Variants in F5 observed in about 807,000 individuals in gnomAD.
The protein encoded by F5 is activated protein c cofactor.
Under a neutral mutation model 216.4 loss-of-function variants are expected in F5, and 138 were observed. That is an observed-to-expected ratio of 0.64 (90% confidence interval 0.56 to 0.73). F5 has a LOEUF of 0.73. Among genes scored for constraint, F5 ranks in the 30% least tolerant of loss-of-function variants. The pLI is 0.00. For missense variants in F5, 2,403 were observed against 2,674.0 expected (o/e 0.90, Z 2.24); for synonymous variants, 916 against 930.7 (o/e 0.98, Z 0.29).
At chr1:169,575,071 A>T (rs1434020271) in intron 2 of F5, among the ~76,000 whole-genome samples, 1 of 152,236 alleles carries the variant, frequency 6.6e-6, no homozygotes, top group African/African-American at 2.4e-5. Context: ...GGTAAATATT[A>T]TGACAGAAAA....
Position 169,541,301 on chromosome 1 carries a change from A to T in F5, c.3789T>A (p.Ser1263Arg), listed in dbSNP as rs1659842347. The T allele has an allele frequency of 6.4e-7, 1 of 1,555,472 alleles. No homozygotes were observed. Among genetic ancestry groups the T allele is most frequent in the Non-Finnish European group, 8.7e-7 (1 of 1,143,796 alleles). The change falls in exon 13 of 25, where the codon AGT becomes AGA. Residue 1263 changes from serine to arginine, a missense_variant. Around this residue, in one of 4 missense-constraint regions of F5, gnomAD observed 1,425 missense variants for 1,554.8 expected, o/e 0.92. Coordinates refer to ENST00000367797, the MANE Select transcript of F5 (RefSeq NM_000130.5). ...LSQTNLSPELSQTNLSPALGQ... is the reference protein window; with the variant it reads ...LSQTNLSPELRQTNLSPALGQ... ...CGAGGGCTGGAGAAAGGTTTGTCTG[A>T]CTGAGTTCTGGAGAGAGGTTTGTCT... is the stretch of plus-strand genomic sequence containing the variant.
Position 169,540,546 on chromosome 1 carries a change from A to C in F5, c.4544T>G (p.Leu1515Arg). ...KEFNPLVIVG[L>R]SKDGTDYIEI... The stretch of plus-strand genomic sequence containing the variant: ...AATGTAATCTGTACCATCTTTACTG[A>C]GGCCCACTATAACCAGTGGATTAAA... The change falls in exon 13 of 25, where the codon CTC (leucine) becomes CGC (arginine). Residue 1515 changes from leucine to arginine, a missense_variant. Leu to Arg is a moderately radical substitution (Grantham distance 102, BLOSUM62 -2). Coordinates refer to ENST00000367797, the MANE Select transcript of F5 (RefSeq NM_000130.5). 6.2e-7 allele frequency: 1 copy of C among 1,614,012 alleles called. No individual in the cohort carries two copies. Among genetic ancestry groups the C allele is most frequent in the Non-Finnish European group, 8.5e-7 (1 of 1,179,966 alleles).
intron 6 of F5, 40 bp from the exon 7 acceptor site, chr1:169,555,387 A>G: frequency 6.2e-7 from 1 of 1,600,874 alleles, no homozygotes; most frequent in African/African-American, 1.3e-5. Context: ...ACTCAAGAGA[A>G]GAAATTATGG....
At position 169,571,960 on chromosome 1, in the gene F5, A is replaced by G. The variant is rs184501227; in HGVS notation, c.373+261T>C. The stretch of plus-strand genomic sequence containing the variant: ...TTATTATTCCCATTTTAAGATGAAC[A>G]TATGAGAATTCAGAGAAATTAGATA... On this transcript the variant is annotated intron_variant, in intron 3 of 24. Transcript: ENST00000367797. 1.1e-4 allele frequency among the ~76,000 whole-genome samples: 17 copies of G among 152,292 alleles called. No homozygotes were observed. In the East Asian group the frequency reaches 2.9e-3, roughly 26 times the overall value.
At position 169,541,369 on chromosome 1, in the gene F5, A is replaced by G; in HGVS notation, c.3721T>C (p.Ser1241Pro). ...ISPDLSHTTLSPDLSHTTLSL... is the reference protein window; with the variant it reads ...ISPDLSHTTLPPDLSHTTLSL... ...AGGGTTGTATGGCTGAGGTCTGGAG[A>G]AAGGGTTGTATGGCTGAGGTCTGGA... The change falls in exon 13 of 25, where the codon TCT becomes CCT. Residue 1241 changes from serine to proline, a missense_variant. Ser to Pro is a moderately conservative substitution (Grantham distance 74). This residue lies in a region of F5 where 1,425 missense variants were observed against 1,554.8 expected (regional missense o/e 0.92). Transcript: ENST00000367797. 6.2e-7 allele frequency: 1 copy of G among 1,610,716 alleles called. No homozygotes were observed. The highest frequency in any genetic ancestry group is 8.5e-7 in the Non-Finnish European group (1 of 1,178,836).
chr1:169,568,094 T>C (rs1660649862), intron 3 of F5, among the ~76,000 whole-genome samples: 1 of 152,150 alleles, frequency 6.6e-6, no homozygotes, highest in East Asian at 1.9e-4. Context: ...TATTTTGAGA[T>C]AGATAATGAA....
At position 169,523,244 on chromosome 1, in the gene F5, G is replaced by T. The variant is rs1445925417; in HGVS notation, c.6001C>A (p.Gln2001Lys). The change falls in exon 21 of 25, where the codon CAG becomes AAG. Residue 2001 changes from glutamine (Q) to lysine (K), a missense_variant. Gln to Lys is a moderately conservative substitution (Grantham distance 53, BLOSUM62 1). Around this residue, in one of 4 missense-constraint regions of F5, gnomAD observed 659 missense variants for 787.9 expected, o/e 0.84. Transcript: ENST00000367797. ...TEFYVAYSSN[Q>K]INWQIFKGNS... ...CCTTTGAAGATCTGCCAGTTGATCT[G>T]GTTGGAACTGTAAGCTACATAGAAC... 1 of 1,613,950 alleles carries T rather than the reference G, an allele frequency of 6.2e-7. No individual in the cohort carries two copies. The highest frequency in any genetic ancestry group is 1.3e-5 in the African/African-American group (1 of 74,926).
intron 3 of F5, among the ~76,000 whole-genome samples, chr1:169,563,601 T>G (rs1313506537): frequency 6.6e-6 from 1 of 152,122 alleles, no homozygotes; most frequent in African/African-American, 2.4e-5. Flanking sequence ...TGCTATTAAT[T>G]TCATCCAGTG....
At chr1:169,523,658 TA>T in intron 20 of F5, 142 bp downstream of exon 20, 1 of 822,108 alleles carries the variant, frequency 1.2e-6, no homozygotes, top group Non-Finnish European at 2.0e-6. Flanking sequence ...TTTAAGGATA[TA>T]AAGTACTTAG....
chr1:169,547,436 C>G (rs1392130029), intron 10 of F5, among the ~76,000 whole-genome samples: 2 of 152,078 alleles, frequency 1.3e-5, no homozygotes, highest in Non-Finnish European at 2.9e-5. Flanking sequence ...TTTTTGCAAA[C>G]TATGCATCTG....
intron 2 of F5, among the ~76,000 whole-genome samples, chr1:169,576,402 G>A (rs1660850921): frequency 6.6e-6 from 1 of 152,032 alleles, no homozygotes; most frequent in Admixed American, 6.6e-5. Context: ...TTTTATGTTA[G>A]CTTTACACAG....
Position 169,586,313 on chromosome 1 carries a change from C to G in F5, c.74G>C (p.Gly25Ala), listed in dbSNP as rs1365830144. 6.2e-7 allele frequency: 1 copy of G among 1,614,036 alleles called. No individual in the cohort carries two copies. The highest frequency in any genetic ancestry group is 8.5e-7 in the Non-Finnish European group (1 of 1,180,032). Residue 25 changes from glycine to alanine, a missense_variant, in exon 1 of 25, where the codon GGG (glycine) becomes GCG (alanine). Gly to Ala is a moderately conservative substitution (Grantham distance 60, BLOSUM62 0). Coordinates refer to ENST00000367797, the MANE Select transcript of F5 (RefSeq NM_000130.5). ...GTSWVGWGSQ[G>A]TEAAQLRQFY... ...CTGCCTTAGCTGTGCCGCTTCTGTCCCTTGGCTCCCCCAGCCTACCCAGCT... is the reference window on the plus strand; with the variant it reads ...CTGCCTTAGCTGTGCCGCTTCTGTCGCTTGGCTCCCCCAGCCTACCCAGCT...
At position 169,528,041 on chromosome 1, in the gene F5, A is replaced by G. The variant is rs752119239; in HGVS notation, c.5473T>C (p.Trp1825Arg). 6.2e-7 allele frequency: 1 copy of G among 1,613,720 alleles called. No individual in the cohort carries two copies. The highest frequency in any genetic ancestry group is 8.5e-7 in the Non-Finnish European group (1 of 1,179,802). The change falls in exon 17 of 25, where the codon TGG (tryptophan) becomes CGG (arginine). Residue 1825 changes from tryptophan to arginine, a missense_variant. Trp to Arg is a moderately radical substitution (Grantham distance 101). This residue lies in a region of F5 where 659 missense variants were observed against 787.9 expected (regional missense o/e 0.84). Coordinates refer to ENST00000367797, the MANE Select transcript of F5 (RefSeq NM_000130.5). ...LPGLKMYEQEWVRLHLLNIGG... is the reference protein window; with the variant it reads ...LPGLKMYEQERVRLHLLNIGG... ...ATGTTCAGCAGGTGTAACCTCACCC[A>G]CTCTTGCTCATACATTTTCAGGCCA...
rs1280636952 is a variant in F5 at position 169,540,492 on chromosome 1, C to T, written c.4598G>A (p.Ser1533Asn). 2 of 1,613,834 alleles carry T rather than the reference C, an allele frequency of 1.2e-6. No homozygotes were observed. Among genetic ancestry groups the T allele is most frequent in the African/African-American group, 2.7e-5 (2 of 74,902 alleles). ...IEIIPKEEVQ[S>N]SEDDYAEIDY... The stretch of plus-strand genomic sequence containing the variant: ...AATTTCAGCATAGTCATCTTCACTG[C>T]TCTGGACCTCTTCCTTTGGAATGAT... The change falls in exon 13 of 25, where the codon AGC becomes AAC. Residue 1533 changes from serine to asparagine, a missense_variant. Physicochemically the swap from Ser to Asn is conservative, Grantham distance 46. This residue lies in a region of F5 where 293 missense variants were observed against 270.8 expected (regional missense o/e 1.08). Coordinates refer to ENST00000367797, the MANE Select transcript of F5 (RefSeq NM_000130.5).
chr1:169,533,646 G>C (rs917946384), intron 14 of F5, among the ~76,000 whole-genome samples: 1 of 152,100 alleles, frequency 6.6e-6, no homozygotes, highest in African/African-American at 2.4e-5. Flanking sequence ...TGAAAAAAAT[G>C]CTCAACATCA....
intron 3 of F5, among the ~76,000 whole-genome samples, chr1:169,571,409 A>C (rs768648603): frequency 6.6e-6 from 1 of 152,160 alleles, no homozygotes; most frequent in African/African-American, 2.4e-5. Context: ...CATTTTATAG[A>C]TGAGAAAACT....
chr1:169,541,096 G>C lies in F5; in HGVS notation c.3994C>G (p.Leu1332Val). 1.3e-6 allele frequency: 2 copies of C among 1,587,086 alleles called. No individual in the cohort carries two copies. Among genetic ancestry groups the C allele is most frequent in the East Asian group, 2.3e-5 (1 of 43,088 alleles). Residue 1332 changes from leucine to valine, a missense_variant, in exon 13 of 25, where the codon CTA (leucine) becomes GTA (valine). Around this residue, in one of 4 missense-constraint regions of F5, gnomAD observed 26 missense variants for 60.6 expected, o/e 0.43. Transcript: ENST00000367797. ...SPDLSHTTLS[L>V]DFSQTNLSPE... ...GAGAGGTTTGTCTGGCTGAAGTCTA[G>C]AGAAAGGGTTGTATGGCTGAGGTCT...
chr1:169,547,956 A>G (rs1439301934), intron 10 of F5, among the ~76,000 whole-genome samples: 1 of 152,242 alleles, frequency 6.6e-6, no homozygotes, highest in Non-Finnish European at 1.5e-5. Flanking sequence ...CCCATCAATG[A>G]CAGACTGGAT....
At chr1:169,548,693 C>T (rs10919188) in intron 10 of F5, among the ~76,000 whole-genome samples, 9,775 of 151,908 alleles carry the variant, frequency 0.064, 440 homozygotes, top group Admixed American at 0.11. Context: ...CATGGTGAAA[C>T]CCTGTCTCTA....
Sources: allele counts gnomAD v4.1 joint callset (sites outside exome capture counted in the v4.1 genomes callset), GRCh38; gene constraint gnomAD v4.1.1; regional missense constraint gnomAD v4.1.1; transcripts MANE v1.5; gene names NCBI Gene and HGNC (gene_info 2026-07-23, HGNC 2026-07-21).